ARL5A: variants seen among roughly 807,000 people sequenced by gnomAD.
ARL5A encodes ARF like GTPase 5A, also known as ADP-ribosylation factor-like protein 5A.
A neutral mutation model predicts 25.9 loss-of-function variants in ARL5A; 18 were observed. The ratio of observed to expected loss-of-function variants is 0.69; its 90% CI spans 0.48 to 1.03. The LOEUF is 1.03. Ranked by LOEUF, ARL5A falls within the 50% of genes least tolerant of loss-of-function variation. ARL5A has a pLI of 0.00. For synonymous variants in ARL5A, 61 were observed against 67.5 expected, an observed-to-expected ratio of 0.90 and a Z score of 0.47; for missense variants, 170 against 211.9, an observed-to-expected ratio of 0.80 and a Z score of 1.23.
chr2:151,828,021 G>T, intron 1 of ARL5A, 110 bp downstream of exon 1: 3 of 1,218,918 alleles, frequency 2.5e-6, no homozygotes, highest in Non-Finnish European at 2.4e-6. Flanking sequence ...CCCGCGCTGA[G>T]CTGGCGCCCG....
At position 151,799,163 on chromosome 2, in the gene ARL5A, T is replaced by A. The variant is rs1254110168; in HGVS notation, c.*4113A>T. ...GCACATTCTTTGAGGGAGCATGATA[T>A]ACAAGTTTTATTTTTGTGTAAGTGG... On this transcript the variant is annotated 3_prime_UTR_variant, in exon 6 of 6. Transcript: ENST00000295087. 1 of 152,232 alleles carries A rather than the reference T, an allele frequency of 6.6e-6. No homozygotes were observed. Among genetic ancestry groups the A allele is most frequent in the Non-Finnish European group, 1.5e-5 (1 of 68,042 alleles). 9.4% of individuals were successfully genotyped at this position (152,232 alleles called of 1,614,324 possible). A position where few individuals can be genotyped will look rare whatever the true frequency, so the allele number is the denominator to read the frequency against.
chr2:151,806,518 G>A (rs148671401), intron 5 of ARL5A, among the ~76,000 whole-genome samples: 7 of 152,226 alleles, frequency 4.6e-5, no homozygotes, highest in East Asian at 3.9e-4. Flanking sequence ...CACTATCATC[G>A]TAAAATGTAT....
At chr2:151,824,399 C>A (rs1405864275) in intron 1 of ARL5A, among the ~76,000 whole-genome samples, 1 of 152,136 alleles carries the variant, frequency 6.6e-6, no homozygotes, top group Admixed American at 6.5e-5. Flanking sequence ...TGAGGAGCAT[C>A]TGTATTAGAA....
intron 4 of ARL5A, chr2:151,810,680 G>A: frequency 3.5e-6 from 1 of 288,428 alleles, no homozygotes; most frequent in South Asian, 3.0e-5. Context: ...ATAACGTTAA[G>A]TGACCTATGT....
chr2:151,800,192 A>G lies in ARL5A; in HGVS notation c.*3084T>C, dbSNP rs938797918. 2 of 152,024 alleles carry G rather than the reference A, an allele frequency of 1.3e-5. No individual in the cohort carries two copies. Among genetic ancestry groups the G allele is most frequent in the African/African-American group, 4.8e-5 (2 of 41,350 alleles). The allele number at this position is 152,024 out of a possible 1,614,324, so 9.4% of individuals were successfully genotyped here. A position where few individuals can be genotyped will look rare whatever the true frequency, so the allele number is the denominator to read the frequency against. ...AGTTGTCTATAGATTTTCTATTTAC[A>G]CTAATATAAACAGGTTTGGAGGTTG... On this transcript the variant is annotated 3_prime_UTR_variant, in exon 6 of 6. Coordinates refer to ENST00000295087, the MANE Select transcript of ARL5A (RefSeq NM_012097.4).
chr2:151,803,684 GCT>G (rs886098016), intron 5 of ARL5A, among the ~76,000 whole-genome samples: 3 of 152,082 alleles, frequency 2.0e-5, no homozygotes, highest in Non-Finnish European at 4.4e-5. Flanking sequence ...ATACATCTGT[GCT>G]CTTTTGGTTC....
intron 5 of ARL5A, among the ~76,000 whole-genome samples, chr2:151,805,897 G>C (rs1400003886): frequency 1.3e-5 from 2 of 152,138 alleles, no homozygotes; most frequent in East Asian, 1.9e-4. Context: ...ACTTTAGTTT[G>C]GTCCTCCTTT....
chr2:151,801,495 T>A lies in ARL5A; in HGVS notation c.*1781A>T, dbSNP rs909627150. The A allele has an allele frequency of 6.6e-6, 1 of 152,150 alleles. No individual in the cohort carries two copies. The highest frequency in any genetic ancestry group is 1.5e-5 in the Non-Finnish European group (1 of 67,982). 9.4% of individuals were successfully genotyped at this position (152,150 alleles called of 1,614,324 possible). ...ATAACAAGTAATTCTTTATAGGGAT[T>A]TGAGAAAGTACGAGAACATATGGGA... is the stretch of plus-strand genomic sequence containing the variant. On this transcript the variant is annotated 3_prime_UTR_variant, in exon 6 of 6. Transcript: ENST00000295087.
At chr2:151,811,567 T>C (rs1238977941) in intron 4 of ARL5A, among the ~76,000 whole-genome samples, 1 of 152,072 alleles carries the variant, frequency 6.6e-6, no homozygotes, top group Non-Finnish European at 1.5e-5. Flanking sequence ...TTATTTCTAC[T>C]TATTTATTTT....
Position 151,799,075 on chromosome 2 carries a change from AAATTGT to A in ARL5A, c.*4195_*4200del. ...CTAGAAAGTTACTTTTTAGCATCCAAAATTGTAATTTCTGGCTTTCTTTCCTTTTTA... is the reference window on the plus strand; with the variant it reads ...CTAGAAAGTTACTTTTTAGCATCCAAAATTTCTGGCTTTCTTTCCTTTTTA... On this transcript the variant is annotated 3_prime_UTR_variant, in exon 6 of 6. Transcript: ENST00000295087. 1 of 152,230 alleles carries A rather than the reference AAATTGT, an allele frequency of 6.6e-6. No individual in the cohort carries two copies. The highest frequency in any genetic ancestry group is 1.9e-4 in the East Asian group (1 of 5,202). The allele number at this position is 152,230 out of a possible 1,614,324, so 9.4% of individuals were successfully genotyped here. A position where few individuals can be genotyped will look rare whatever the true frequency, so the allele number is the denominator to read the frequency against.
chr2:151,823,906 G>A (rs1255866834), intron 1 of ARL5A, among the ~76,000 whole-genome samples: 5 of 152,310 alleles, frequency 3.3e-5, no homozygotes, highest in Non-Finnish European at 7.4e-5. Context: ...CATGCTACAA[G>A]CAGAGCCCGT....
At position 151,821,591 on chromosome 2, in the gene ARL5A, T is replaced by C. The variant is rs139054154; in HGVS notation, c.47-6392A>G. On this transcript the variant is annotated intron_variant, in intron 1 of 5. Transcript: ENST00000295087. ...AGACGTAGCTCTATTTGAGTTTTTT[T>C]GTATTTTCACAATAAAGCACCAATG... Among the ~76,000 whole-genome samples the C allele has an allele frequency of 1.7e-3, 263 of 152,280 alleles. 3 individuals are homozygous for C. Among genetic ancestry groups the C allele is most frequent in the East Asian group, 2.9e-3 (15 of 5,180 alleles).
chr2:151,803,642 G>GGACT (rs2151291054), intron 5 of ARL5A, among the ~76,000 whole-genome samples: 1 of 152,186 alleles, frequency 6.6e-6, no homozygotes, highest in South Asian at 2.1e-4. Context: ...CCAGCAGCAG[G>GGACT]GACTACAGGC....
chr2:151,803,126 G>C lies in ARL5A; in HGVS notation c.*150C>G. 1 of 568,200 alleles carries C rather than the reference G, an allele frequency of 1.8e-6. No individual in the cohort carries two copies. 35.2% of individuals were successfully genotyped at this position (568,200 alleles called of 1,614,324 possible). On this transcript the variant is annotated 3_prime_UTR_variant, in exon 6 of 6. Transcript: ENST00000295087. ...AACTGGAAGGTGAGACTTCATCTTT[G>C]TTTTCAAATAAGTGGTCTTAATTTT...
At chr2:151,807,017 T>C in intron 4 of ARL5A, 45 bp from the exon 5 acceptor site, 2 of 1,515,846 alleles carry the variant, frequency 1.3e-6, no homozygotes, top group Non-Finnish European at 1.8e-6. Flanking sequence ...ATTTTCCACA[T>C]ATTTTTCAAC....
At chr2:151,814,760 G>A (rs964042750) in intron 2 of ARL5A, among the ~76,000 whole-genome samples, 2 of 151,774 alleles carry the variant, frequency 1.3e-5, no homozygotes, top group East Asian at 3.9e-4. Flanking sequence ...ATCTTATAAA[G>A]AGATGGCATC....
In ARL5A at chr2:151,803,364, A is replaced by G. The variant is rs767099801; in HGVS notation, c.492-40T>C. Reference sequence around the variant, plus strand: ...AAATCATTTGATTAAATTCTGAACTAAGAAGCTATGAGCAGCAAACTATGA... The same window carrying G: ...AAATCATTTGATTAAATTCTGAACTGAGAAGCTATGAGCAGCAAACTATGA... On this transcript the variant is annotated intron_variant, in intron 5 of 5. Coordinates refer to ENST00000295087, the MANE Select transcript of ARL5A (RefSeq NM_012097.4). 1.3e-5 allele frequency: 20 copies of G among 1,499,722 alleles called. 1 individual carries two copies. The South Asian group carries it at 2.3e-4, about 17-fold the overall frequency. 92.9% of individuals were successfully genotyped at this position (1,499,722 alleles called of 1,614,324 possible). A position where few individuals can be genotyped will look rare whatever the true frequency, so the allele number is the denominator to read the frequency against.
intron 4 of ARL5A, among the ~76,000 whole-genome samples, chr2:151,808,734 T>G (rs971707852): frequency 2.0e-5 from 3 of 152,206 alleles, no homozygotes; most frequent in African/African-American, 7.2e-5. Context: ...TATTTTTTCT[T>G]TTCTCCTAAA....
chr2:151,816,209 A>G lies in ARL5A; in HGVS notation c.47-1010T>C, dbSNP rs571542614. On this transcript the variant is annotated intron_variant, in intron 1 of 5. Transcript: ENST00000295087. ...CCCAAGACTGCTGTGCAATTTAATG[A>G]GTAAGCCCAAGTTGATCATGTGGTG... 2.6e-5 allele frequency among the ~76,000 whole-genome samples: 4 copies of G among 152,314 alleles called. No homozygotes were observed. The East Asian group carries it at 7.7e-4, about 29-fold the overall frequency.
Sources: allele counts gnomAD v4.1 joint callset (sites outside exome capture counted in the v4.1 genomes callset), GRCh38; gene constraint gnomAD v4.1.1; transcripts MANE v1.5; gene names NCBI Gene and HGNC (gene_info 2026-07-23, HGNC 2026-07-21).